DLGAP2: variants seen among roughly 807,000 people sequenced by gnomAD.
DLGAP2 encodes the protein DLG associated protein 2, also known as disks large-associated protein 2.
Under a neutral mutation model 100.3 loss-of-function variants are expected in DLGAP2, and 26 were observed. The observed-to-expected ratio is 0.26, with a 90% CI of 0.19 to 0.36. The LOEUF (loss-of-function observed/expected upper bound fraction) is 0.36, where lower values mean the gene tolerates loss of function less well. DLGAP2 is among the 10% of genes least tolerant of loss of function. DLGAP2 has a pLI of 1.00. For synonymous variants in DLGAP2, 886 were observed against 630.1 expected (o/e 1.41, Z -6.08); for missense variants, 1,858 against 1,453.2 (o/e 1.28, Z -4.53).
At chr8:927,935 G>C (rs1424356032) in intron 2 of DLGAP2, among the ~76,000 whole-genome samples, 1 of 152,230 alleles carries the variant, frequency 6.6e-6, no homozygotes, top group Non-Finnish European at 1.5e-5. Context: ...AGCAGTGCCA[G>C]GCCCATCAGA....
At chr8:1,067,870 G>T (rs1036004529) in intron 2 of DLGAP2, among the ~76,000 whole-genome samples, 1 of 151,958 alleles carries the variant, frequency 6.6e-6, no homozygotes, top group African/African-American at 2.4e-5. Context: ...ACAGGTTTGG[G>T]CAGGTGTTTG....
chr8:1,386,028 T>C (rs1585323253), intron 3 of DLGAP2, among the ~76,000 whole-genome samples: 1 of 136,782 alleles, frequency 7.3e-6, no homozygotes, highest in African/African-American at 2.5e-5. Flanking sequence ...ATTAAATCTC[T>C]TGTTACAAAA....
chr8:1,189,390 C>T (rs1797587226), intron 2 of DLGAP2, among the ~76,000 whole-genome samples: 1 of 152,178 alleles, frequency 6.6e-6, no homozygotes, highest in African/African-American at 2.4e-5. Flanking sequence ...CATTAAGACA[C>T]TGAACCATCT....
At chr8:1,116,239 T>G (rs1805113654) in intron 2 of DLGAP2, among the ~76,000 whole-genome samples, 1 of 152,182 alleles carries the variant, frequency 6.6e-6, no homozygotes, top group Admixed American at 6.5e-5. Flanking sequence ...ATCTGGGTCC[T>G]GACATGCTCT....
At chr8:1,313,633 A>G (rs1800662218) in intron 3 of DLGAP2, among the ~76,000 whole-genome samples, 2 of 152,210 alleles carry the variant, frequency 1.3e-5, no homozygotes, top group Admixed American at 1.3e-4. Flanking sequence ...GGGTGGATTC[A>G]GGCTTCACAG....
intron 1 of DLGAP2, among the ~76,000 whole-genome samples, chr8:771,318 G>A (rs748537466): frequency 4.6e-5 from 7 of 152,192 alleles, no homozygotes; most frequent in African/African-American, 1.2e-4. Context: ...TAAAAGGATC[G>A]AGGGACCTCT....
chr8:1,534,957 C>G (rs1801107535), intron 4 of DLGAP2, among the ~76,000 whole-genome samples: 2 of 152,242 alleles, frequency 1.3e-5, no homozygotes, highest in African/African-American at 4.8e-5. Flanking sequence ...TTGGCCAGCT[C>G]CATTTCCAAG....
intron 3 of DLGAP2, among the ~76,000 whole-genome samples, chr8:1,463,884 C>T (rs1283067907): frequency 6.6e-6 from 1 of 152,200 alleles, no homozygotes; most frequent in African/African-American, 2.4e-5. Context: ...ATCTTGTGAC[C>T]TGGGCCTTCC....
At chr8:1,151,675 C>A (rs1303011465) in intron 2 of DLGAP2, among the ~76,000 whole-genome samples, 1 of 152,212 alleles carries the variant, frequency 6.6e-6, no homozygotes, top group African/African-American at 2.4e-5. Context: ...TGGTTTCTCT[C>A]TTGCCTTCAG....
Position 1,679,814 on chromosome 8 carries a change from T to G in DLGAP2, c.2704+1185T>G, listed in dbSNP as rs548621525. On this transcript the variant is annotated intron_variant, in intron 12 of 14. Coordinates refer to ENST00000637795, the MANE Select transcript of DLGAP2 (RefSeq NM_001346810.2). ...CTGGCCAACATGGTAAAGCCCCATA[T>G]CTGCCAAAAATTCAAATGAGCCAGG... Among the ~76,000 whole-genome samples the G allele has an allele frequency of 2.6e-5, 4 of 152,148 alleles. No individual in the cohort carries two copies. In the East Asian group the frequency reaches 7.7e-4, roughly 29 times the overall value.
chr8:924,511 G>C (rs1798773866), intron 2 of DLGAP2, among the ~76,000 whole-genome samples: 1 of 152,082 alleles, frequency 6.6e-6, no homozygotes, highest in Non-Finnish European at 1.5e-5. Context: ...TGCAGGACGT[G>C]AATTTACAGA....
intron 2 of DLGAP2, among the ~76,000 whole-genome samples, chr8:1,067,541 C>T (rs1310001945): frequency 6.6e-6 from 1 of 151,744 alleles, no homozygotes; most frequent in Admixed American, 6.6e-5. Flanking sequence ...CCACGCACGC[C>T]TGGGCAACCA....
chr8:1,040,347 T>A (rs1236559908), intron 2 of DLGAP2, among the ~76,000 whole-genome samples: 1 of 148,414 alleles, frequency 6.7e-6, no homozygotes, highest in African/African-American at 2.5e-5. Flanking sequence ...TCGGTGTGCG[T>A]GGTCGGCTCA....
intron 3 of DLGAP2, among the ~76,000 whole-genome samples, chr8:1,267,808 A>T (rs79585555): frequency 9.2e-5 from 14 of 151,800 alleles, no homozygotes; most frequent in Non-Finnish European, 1.3e-4. Context: ...TCCCACGCTG[A>T]GCTCAGTGCT....
At chr8:1,667,048 A>G (rs538791202) in intron 8 of DLGAP2, among the ~76,000 whole-genome samples, 93 of 152,310 alleles carry the variant, frequency 6.1e-4, no homozygotes, top group Admixed American at 1.6e-3. Flanking sequence ...GCAGCCTGGC[A>G]GTGCCTCCCA....
chr8:1,547,020 G>C (rs897541479), intron 4 of DLGAP2, among the ~76,000 whole-genome samples: 1 of 152,172 alleles, frequency 6.6e-6, no homozygotes, highest in African/African-American at 2.4e-5. Context: ...CAGCAAGGCC[G>C]AGTGGTGTGG....
At chr8:1,541,220 C>G (rs986900482) in intron 4 of DLGAP2, among the ~76,000 whole-genome samples, 3 of 152,128 alleles carry the variant, frequency 2.0e-5, no homozygotes, top group African/African-American at 4.8e-5. Flanking sequence ...TGTGTTTAAT[C>G]CATTTATTTG....
chr8:898,917 C>T (rs114948312), intron 1 of DLGAP2, among the ~76,000 whole-genome samples: 110 of 152,320 alleles, frequency 7.2e-4, no homozygotes, highest in African/African-American at 2.5e-3. Context: ...GCACCAGCAG[C>T]GCCGACAGTT....
chr8:1,678,458 C>G lies in DLGAP2; in HGVS notation c.2533C>G (p.Pro845Ala), dbSNP rs759037785. ...TQVDTSTLPP[P>A]DPWLEPAIDT... ...AGTGGACACCTCCACCCTGCCCCCT[C>G]CAGACCCCTGGCTGGAGCCCGCCAT... The change falls in exon 12 of 15, where the codon CCA becomes GCA. Residue 845 changes from proline (P) to alanine (A), a missense_variant. Physicochemically the swap from Pro to Ala is conservative, Grantham distance 27. Transcript: ENST00000637795. 4.3e-6 allele frequency: 7 copies of G among 1,613,530 alleles called. No homozygotes were observed. The highest frequency in any genetic ancestry group is 5.9e-6 in the Non-Finnish European group (7 of 1,179,746).
Sources: allele counts gnomAD v4.1 joint callset (sites outside exome capture counted in the v4.1 genomes callset), GRCh38; gene constraint gnomAD v4.1.1; transcripts MANE v1.5; gene names NCBI Gene and HGNC (gene_info 2026-07-23, HGNC 2026-07-21).